Variants in ST3GAL1 observed in about 807,000 individuals in gnomAD.
ST3GAL1 encodes ST3 beta-galactoside alpha-2,3-sialyltransferase 1, also known as CMP-N-acetylneuraminate-beta-galactosamide-alpha-2,3-sialyltransferase 1.
In ST3GAL1, 16 loss-of-function variants were observed where a neutral mutation model predicts 34.1. That is an observed-to-expected ratio of 0.47 (90% CI 0.32 to 0.71). The LOEUF (loss-of-function observed/expected upper bound fraction) is 0.71. Ranked by LOEUF, ST3GAL1 falls within the 30% of genes least tolerant of loss-of-function variation. The pLI is 0.04. For missense variants in ST3GAL1, 353 were observed against 447.4 expected (o/e 0.79, Z 1.90); for synonymous variants, 191 against 184.7 (o/e 1.03, Z -0.28).
Position 133,511,811 on chromosome 8 carries a change from T to C in ST3GAL1, c.-428-12622A>G, listed in dbSNP as rs545604905. On this transcript the variant is annotated intron_variant, in intron 2 of 9. Coordinates refer to ENST00000522652, the MANE Select transcript of ST3GAL1 (RefSeq NM_173344.3). ...GCTCATGCCTGTAATCCCAGCACTT[T>C]GGGAGGCCGAGGCGGGCAGATCATG... Among the ~76,000 whole-genome samples the C allele has an allele frequency of 1.0e-3, 155 of 152,268 alleles. 1 individual carries two copies. The highest frequency in any genetic ancestry group is 2.1e-3 in the Non-Finnish European group (140 of 68,020).
In ST3GAL1 at chr8:133,474,673, C is replaced by T. The variant is rs980925819; in HGVS notation, c.306+1046G>A. ...CATTACATCCAGCAGAGGCCACCCTCGGGCTCTTGCACCCGCTGTCCCAGA... is the reference window on the plus strand; with the variant it reads ...CATTACATCCAGCAGAGGCCACCCTTGGGCTCTTGCACCCGCTGTCCCAGA... On this transcript the variant is annotated intron_variant, in intron 5 of 9. Coordinates refer to ENST00000522652, the MANE Select transcript of ST3GAL1 (RefSeq NM_173344.3). 4.6e-5 allele frequency among the ~76,000 whole-genome samples: 7 copies of T among 152,288 alleles called. No homozygotes were observed. In the East Asian group the frequency reaches 7.7e-4, roughly 17 times the overall value.
rs1166859521 is a variant in ST3GAL1 at position 133,491,067 on chromosome 8, C to T, written c.-374+8068G>A. Among the ~76,000 whole-genome samples, 6 of 151,628 alleles carry T rather than the reference C, an allele frequency of 4.0e-5. No homozygotes were observed. In the East Asian group the frequency reaches 9.7e-4, roughly 24 times the overall value. On this transcript the variant is annotated intron_variant, in intron 3 of 9. Coordinates refer to ENST00000522652, the MANE Select transcript of ST3GAL1 (RefSeq NM_173344.3). Reference sequence around the variant, plus strand: ...CTGCTTGTTCCTTTGCTGGGGAAGTCGGGGAAAAAAAAGATTCTGCTGAAG... The same window carrying T: ...CTGCTTGTTCCTTTGCTGGGGAAGTTGGGGAAAAAAAAGATTCTGCTGAAG...
chr8:133,482,974 C>A (rs1816453075), intron 3 of ST3GAL1, among the ~76,000 whole-genome samples: 1 of 152,244 alleles, frequency 6.6e-6, no homozygotes, highest in Non-Finnish European at 1.5e-5. Flanking sequence ...CTTCCCATTC[C>A]TGGCTGTGTG....
At chr8:133,505,763 T>G (rs577593300) in intron 2 of ST3GAL1, among the ~76,000 whole-genome samples, 1 of 152,128 alleles carries the variant, frequency 6.6e-6, no homozygotes, top group South Asian at 2.1e-4. Flanking sequence ...CCACCATGCC[T>G]GGCTAATTTT....
intron 2 of ST3GAL1, among the ~76,000 whole-genome samples, chr8:133,534,900 A>G (rs115418283): frequency 0.014 from 2,142 of 152,332 alleles, 41 homozygotes; most frequent in African/African-American, 0.046. Context: ...TGTGAGTCCA[A>G]TGAAGAATAA....
chr8:133,509,829 G>A (rs572664678), intron 2 of ST3GAL1, among the ~76,000 whole-genome samples: 6 of 152,282 alleles, frequency 3.9e-5, no homozygotes, highest in South Asian at 4.1e-4. Context: ...AGGCCAAGGC[G>A]GGTGGATCAA....
chr8:133,512,532 C>T (rs1215283508), intron 2 of ST3GAL1, among the ~76,000 whole-genome samples: 1 of 152,142 alleles, frequency 6.6e-6, no homozygotes, highest in Non-Finnish European at 1.5e-5. Context: ...TACCTTTTAT[C>T]ATTCAATCAA....
At chr8:133,491,987 T>A (rs962273739) in intron 3 of ST3GAL1, among the ~76,000 whole-genome samples, 1 of 151,746 alleles carries the variant, frequency 6.6e-6, no homozygotes, top group African/African-American at 2.4e-5. Context: ...AGCTGTCCAG[T>A]GGGAGGAGCG....
At chr8:133,547,982 A>G (rs931708596) in intron 1 of ST3GAL1, among the ~76,000 whole-genome samples, 3 of 152,200 alleles carry the variant, frequency 2.0e-5, no homozygotes, top group African/African-American at 4.8e-5. Context: ...AGTTGTCTAA[A>G]GGCATTTGCC....
intron 2 of ST3GAL1, among the ~76,000 whole-genome samples, chr8:133,535,876 A>G (rs1818297431): frequency 6.6e-6 from 1 of 152,380 alleles, no homozygotes; most frequent in Non-Finnish European, 1.5e-5. Context: ...ACAGTACAGT[A>G]TAGTATAAAT....
At position 133,510,859 on chromosome 8, in the gene ST3GAL1, G is replaced by A. The variant is rs11782015; in HGVS notation, c.-428-11670C>T. Among the ~76,000 whole-genome samples the A allele has an allele frequency of 1.1e-4, 17 of 152,250 alleles. No homozygotes were observed. In the East Asian group the frequency reaches 1.2e-3, roughly 10 times the overall value. ...CATAAGCTGAGAACAGCAGAGACTCGGAGCAAACTCCATCACAGGGGAAGG... is the reference window on the plus strand; with the variant it reads ...CATAAGCTGAGAACAGCAGAGACTCAGAGCAAACTCCATCACAGGGGAAGG... On this transcript the variant is annotated intron_variant, in intron 2 of 9. Coordinates refer to ENST00000522652, the MANE Select transcript of ST3GAL1 (RefSeq NM_173344.3).
rs528882907 is a variant in ST3GAL1, at chr8:133,561,565, C to T, written c.-582+10128G>A. On this transcript the variant is annotated intron_variant, in intron 1 of 9. Coordinates refer to ENST00000522652, the MANE Select transcript of ST3GAL1 (RefSeq NM_173344.3). Reference sequence around the variant, plus strand: ...GTGGTGGTTGTGTTATGTTATGTTACGTTATATTGTTGTGATGATAATTTG... The same window carrying T: ...GTGGTGGTTGTGTTATGTTATGTTATGTTATATTGTTGTGATGATAATTTG... Among the ~76,000 whole-genome samples, 169 of 152,044 alleles carry T rather than the reference C, an allele frequency of 1.1e-3. 1 individual carries two copies. The highest frequency in any genetic ancestry group is 1.8e-3 in the Non-Finnish European group (124 of 68,026).
chr8:133,492,948 C>T (rs1055503278), intron 3 of ST3GAL1, among the ~76,000 whole-genome samples: 8 of 152,302 alleles, frequency 5.3e-5, no homozygotes, highest in Middle Eastern at 3.4e-3. Context: ...AATAAGGAGG[C>T]GACTCTGGCA....
intron 2 of ST3GAL1, among the ~76,000 whole-genome samples, chr8:133,522,154 A>G (rs948220546): frequency 3.9e-5 from 6 of 152,206 alleles, no homozygotes; most frequent in African/African-American, 1.2e-4. Context: ...GAAGCCATCT[A>G]AGATTTAAAA....
intron 2 of ST3GAL1, among the ~76,000 whole-genome samples, chr8:133,514,456 C>A (rs1411696104): frequency 6.6e-6 from 1 of 152,072 alleles, no homozygotes; most frequent in East Asian, 1.9e-4. Flanking sequence ...ATGGAACAGG[C>A]AGGAATCAAG....
intron 2 of ST3GAL1, among the ~76,000 whole-genome samples, chr8:133,529,639 G>GGGCA (rs1332133771): frequency 6.6e-6 from 1 of 152,148 alleles, no homozygotes; most frequent in African/African-American, 2.4e-5. Flanking sequence ...GTCCAGCAAG[G>GGGCA]GGCAGTTTTA....
intron 5 of ST3GAL1, among the ~76,000 whole-genome samples, chr8:133,473,012 T>C (rs1816027197): frequency 6.6e-6 from 1 of 152,200 alleles, no homozygotes; most frequent in Non-Finnish European, 1.5e-5. Context: ...CTCAGTGAGA[T>C]GAAGAGCTTC....
intron 1 of ST3GAL1, among the ~76,000 whole-genome samples, chr8:133,550,745 T>G (rs1818815095): frequency 6.6e-6 from 1 of 152,178 alleles, no homozygotes. Context: ...CAAATCATGG[T>G]TATGTTCTCA....
At chr8:133,526,181 C>T (rs1269880131) in intron 2 of ST3GAL1, among the ~76,000 whole-genome samples, 4 of 152,192 alleles carry the variant, frequency 2.6e-5, no homozygotes, top group Non-Finnish European at 5.9e-5. Context: ...AGGCAGCCTG[C>T]GTTCAGGCAA....
Sources: allele counts gnomAD v4.1 joint callset (sites outside exome capture counted in the v4.1 genomes callset), GRCh38; gene constraint gnomAD v4.1.1; transcripts MANE v1.5; gene names NCBI Gene and HGNC (gene_info 2026-07-23, HGNC 2026-07-21).